LAMA5: variants seen among roughly 807,000 people sequenced by gnomAD.
LAMA5 encodes laminin subunit alpha-5.
In LAMA5, 260 loss-of-function variants were observed where a neutral mutation model predicts 433.4. The ratio of observed to expected loss-of-function variants is 0.60; its 90% CI spans 0.54 to 0.66. The LOEUF is 0.66. LAMA5 is among the 30% of genes least tolerant of loss of function. The probability of loss-of-function intolerance (pLI) is 0.00; values close to 1 mark genes in which losing one functional copy is unlikely to be tolerated. For synonymous variants in LAMA5, 2,620 were observed against 2,226.6 expected (o/e 1.18, Z -4.97); for missense variants, 5,378 against 5,258.5 (o/e 1.02, Z -0.70).
rs1271357504 is a variant in LAMA5, at chr20:62,322,026, G to A, written c.6489C>T (p.His2163=). The A allele has an allele frequency of 6.3e-7, 1 of 1,598,624 alleles. No individual in the cohort carries two copies. The highest frequency in any genetic ancestry group is 1.1e-5 in the South Asian group (1 of 91,076). Residue 2163 remains histidine, a synonymous_variant, in exon 48 of 80, where the codon CAC becomes CAT. Transcript: ENST00000252999. ...GGGGTGTTGAGGACACACCTTCACAGTGGATGCTGTGGCCCACAGGCCCGC... is the reference window on the plus strand; with the variant it reads ...GGGGTGTTGAGGACACACCTTCACAATGGATGCTGTGGCCCACAGGCCCGC... ...VPGGPVGHSI[H]CEVCDHCVVL... is the part of the protein sequence containing the mutation.
rs1428485049 is a variant in LAMA5 at position 62,324,600 on chromosome 20, G to A, written c.5530-46C>T. On this transcript the variant is annotated intron_variant, in intron 41 of 79. Coordinates refer to ENST00000252999, the MANE Select transcript of LAMA5 (RefSeq NM_005560.6). The surrounding 1 kb of genome is among the most constrained non-coding windows in gnomAD (Gnocchi z 4.4). ...GTGGCATCAGCGATTGAGAGGACGAGGGGCCCCACCCTGCAAGCTCACAAG... is the reference window on the plus strand; with the variant it reads ...GTGGCATCAGCGATTGAGAGGACGAAGGGCCCCACCCTGCAAGCTCACAAG... The A allele has an allele frequency of 2.1e-6, 3 of 1,410,658 alleles. No individual in the cohort carries two copies. Among genetic ancestry groups the A allele is most frequent in the South Asian group, 2.4e-5 (2 of 83,302 alleles). 87.4% of individuals were successfully genotyped at this position (1,410,658 alleles called of 1,614,324 possible). A position where few individuals can be genotyped will look rare whatever the true frequency, so the allele number is the denominator to read the frequency against.
intron 38 of LAMA5, 37 bp downstream of exon 38, chr20:62,327,196 C>T (rs759945319): frequency 9.6e-6 from 14 of 1,463,304 alleles, no homozygotes; most frequent in Non-Finnish European, 1.3e-5. Context: ...CCTGGCCATC[C>T]TCAAAGTGCC....
intron 66 of LAMA5, 46 bp downstream of exon 66, chr20:62,312,842 G>A (rs146986310): frequency 8.8e-5 from 141 of 1,601,874 alleles, no homozygotes; most frequent in East Asian, 2.5e-4. Context: ...CGCCCCCATC[G>A]TTCCATCTCC....
intron 16 of LAMA5, chr20:62,337,073 C>T (rs1981765159): frequency 1.6e-6 from 1 of 631,872 alleles, no homozygotes; most frequent in African/African-American, 1.8e-5. Context: ...TCTGAACAAG[C>T]ACACAAACGC....
chr20:62,322,874 C>G (rs1053904547), intron 45 of LAMA5, 116 bp from the exon 46 acceptor site: 3 of 642,132 alleles, frequency 4.7e-6, no homozygotes, highest in South Asian at 4.3e-5. Context: ...CCAGGCCGCC[C>G]GGACCACCCG....
Position 62,355,983 on chromosome 20 carries a change from C to T in LAMA5, c.451-2732G>A, listed in dbSNP as rs558764568. On this transcript the variant is annotated intron_variant, in intron 2 of 79. Coordinates refer to ENST00000252999, the MANE Select transcript of LAMA5 (RefSeq NM_005560.6). ...TCCCTGAGTGCCTGGATGGAGGCTG[C>T]GCTCTCCTCGGCCCGATCTGTCCTC... 1.6e-3 allele frequency among the ~76,000 whole-genome samples: 237 copies of T among 152,336 alleles called. 3 individuals are homozygous for T. Among genetic ancestry groups the T allele is most frequent in the Admixed American group, 0.015 (223 of 15,308 alleles).
At chr20:62,309,621 G>GGTGGGGGGGT in intron 79 of LAMA5, 95 bp downstream of exon 79, 2 of 527,808 alleles carry the variant, frequency 3.8e-6, no homozygotes, top group Non-Finnish European at 6.1e-6. Flanking sequence ...GGGTGGGAGG[G>GGTGGGGGGGT]GGCAGGGGGT....
rs1981103299 is a variant in LAMA5 at position 62,334,243 on chromosome 20, G to C, written c.2682C>G (p.Asn894Lys). 5 of 1,612,960 alleles carry C rather than the reference G, an allele frequency of 3.1e-6. No homozygotes were observed. Among genetic ancestry groups the C allele is most frequent in the Non-Finnish European group, 4.2e-6 (5 of 1,179,900 alleles). ...PEGHAVRFGF[N>K]PLEFENFSWR... is the part of the protein sequence containing the mutation. Reference sequence around the variant, plus strand: ...AGCTGAAGTTCTCGAACTCGAGGGGGTTGAAGCCAAAGCGCACGGCGTGAC... The same window carrying C: ...AGCTGAAGTTCTCGAACTCGAGGGGCTTGAAGCCAAAGCGCACGGCGTGAC... The change falls in exon 22 of 80, where the codon AAC becomes AAG. Residue 894 changes from asparagine (N) to lysine (K), a missense_variant. By Grantham distance (94) the Asn-to-Lys change is moderately conservative (BLOSUM62 0). Coordinates refer to ENST00000252999, the MANE Select transcript of LAMA5 (RefSeq NM_005560.6).
chr20:62,324,542 C>G lies in LAMA5; in HGVS notation c.5542G>C (p.Gly1848Arg), dbSNP rs372436992. The part of the protein sequence containing the change: ...RGDSCQECAP[G>R]FYRDVKGLFL... ...AGACCTTTGACGTCCCGATAGAAGC[C>G]GGGGGCACATTCCTGAGGGTGTACG... Residue 1848 changes from glycine (G) to arginine (R), a missense_variant, in exon 42 of 80, where the codon GGC becomes CGC. Transcript: ENST00000252999. The surrounding 1 kb of genome is among the most constrained non-coding windows in gnomAD (Gnocchi z 4.4). The G allele has an allele frequency of 1.2e-6, 2 of 1,611,228 alleles. No individual in the cohort carries two copies. The highest frequency in any genetic ancestry group is 3.3e-5 in the Admixed American group (2 of 59,832).
intron 57 of LAMA5, chr20:62,316,394 C>T (rs1422956394): frequency 3.7e-6 from 2 of 535,044 alleles, no homozygotes; most frequent in Admixed American, 3.3e-5. Context: ...GTCAGCAGAG[C>T]AGAGGCCACG....
Position 62,310,247 on chromosome 20 carries a change from G to A in LAMA5, c.10665C>T (p.Thr3555=), listed in dbSNP as rs746528814. Residue 3555 remains threonine, a synonymous_variant, in exon 77 of 80, where the codon ACC becomes ACT. Transcript: ENST00000252999. The part of the protein sequence containing the change: ...LELEVRPLAV[T]GLIFHLGQAR... ...CCTGGCCCAAGTGGAAGATCAGTCC[G>A]GTGACTGCCAGGGGCCGCACCTCCA... 96 of 1,612,296 alleles carry A rather than the reference G, an allele frequency of 6.0e-5. No individual in the cohort carries two copies. The highest frequency in any genetic ancestry group is 8.3e-5 in the Admixed American group (5 of 59,964).
rs1601347032 is a variant in LAMA5, at chr20:62,331,046, G to A, written c.3636C>T (p.Ala1212=). The A allele has an allele frequency of 6.2e-7, 1 of 1,600,762 alleles. No individual in the cohort carries two copies. The highest frequency in any genetic ancestry group is 1.3e-5 in the African/African-American group (1 of 74,400). ...PRVSCISSHG[A]FGPNSAACLP... ...CCTGCCATTACCTGTTGGGGCCAAA[G>A]GCGCCGTGGCTGCTGATGCAGCTGA... The change falls in exon 29 of 80, where the codon GCC becomes GCT. Residue 1212 remains alanine, a synonymous_variant. Transcript: ENST00000252999.
rs761840321 is a variant in LAMA5 at position 62,326,912 on chromosome 20, C to T, written c.5167G>A (p.Gly1723Arg). ...RYELHSETQR[G>R]DVFVPMESRP... ...CTCTCCATGGGGACAAAGACATCTC[C>T]CCGCTGGGTCTCTGAGTGCAGTTCA... The change falls in exon 39 of 80, where the codon GGA becomes AGA. Residue 1723 changes from glycine (G) to arginine (R), a missense_variant. Gly to Arg is a moderately radical substitution (Grantham distance 125). Coordinates refer to ENST00000252999, the MANE Select transcript of LAMA5 (RefSeq NM_005560.6). 6 of 1,612,408 alleles carry T rather than the reference C, an allele frequency of 3.7e-6. No homozygotes were observed. The highest frequency in any genetic ancestry group is 3.4e-6 in the Non-Finnish European group (4 of 1,179,494).
In LAMA5 at chr20:62,310,291, G is replaced by A; in HGVS notation, c.10621C>T (p.Pro3541Ser). Residue 3541 changes from proline (P) to serine (S), a missense_variant, in exon 77 of 80, where the codon CCT becomes TCT. Coordinates refer to ENST00000252999, the MANE Select transcript of LAMA5 (RefSeq NM_005560.6). The part of the protein sequence containing the change: ...ITLDLPGATL[P>S]DVGLELEVRP... ...ACCTCCAGTTCCAGGCCCACATCAG[G>A]CAGTGTAGCTCCTGGGAGGTCTGCG... The A allele has an allele frequency of 6.2e-7, 1 of 1,609,668 alleles. No individual in the cohort carries two copies. Among genetic ancestry groups the A allele is most frequent in the Non-Finnish European group, 8.5e-7 (1 of 1,178,030 alleles).
Position 62,325,309 on chromosome 20 carries a change from A to T in LAMA5, c.5529+7T>A. The T allele has an allele frequency of 6.4e-7, 1 of 1,567,102 alleles. No individual in the cohort carries two copies. Among genetic ancestry groups the T allele is most frequent in the Non-Finnish European group, 8.7e-7 (1 of 1,152,902 alleles). On this transcript the variant is annotated splice_region_variant and intron_variant, in intron 41 of 79. Transcript: ENST00000252999. ...CGCCTCGCAGTCTGGTGCTGTCCTA[A>T]CCTCACCTGGCATGAGTCCCCCCGG...
chr20:62,351,593 TG>T, intron 6 of LAMA5, 110 bp downstream of exon 6: 1 of 954,712 alleles, frequency 1.0e-6, no homozygotes, highest in Non-Finnish European at 1.6e-6. Flanking sequence ...AGGGTTGTGG[TG>T]GGCCATGGAA....
At position 62,311,279 on chromosome 20, in the gene LAMA5, C is replaced by T. The variant is rs371353573; in HGVS notation, c.9971G>A (p.Arg3324Gln). The change falls in exon 73 of 80, where the codon CGG (arginine) becomes CAG (glutamine). Residue 3324 changes from arginine (R) to glutamine (Q), a missense_variant. Physicochemically the swap from Arg to Gln is conservative, Grantham distance 43. Transcript: ENST00000252999. ...TGGGGGCAGCATGCAGGCAGGATGC[C>T]GGGCGGGCTGACGGCTGCGGCGGGA... is the stretch of plus-strand genomic sequence containing the variant. The part of the protein sequence containing the change: ...KASRRSRQPA[R>Q]HPACMLPPHL... 6.2e-5 allele frequency: 99 copies of T among 1,596,770 alleles called. No individual in the cohort carries two copies. Among genetic ancestry groups the T allele is most frequent in the Non-Finnish European group, 5.7e-5 (67 of 1,173,812 alleles).
At chr20:62,365,484 C>A (rs187975892) in intron 1 of LAMA5, among the ~76,000 whole-genome samples, 215 of 152,346 alleles carry the variant, frequency 1.4e-3, no homozygotes, top group Non-Finnish European at 2.4e-3. Flanking sequence ...GGCCCCCAGC[C>A]ACGCAGCATG....
chr20:62,332,390 T>C lies in LAMA5; in HGVS notation c.3534A>G (p.Glu1178=), dbSNP rs2151513. The stretch of plus-strand genomic sequence containing the variant: ...TCCTTACCAGGAAGAAGCGTGCCTG[T>C]TCGGCTGTGAGCCTCACGCTGGCCT... ...DSEASVRLTA[E]QARFFLHGVT... Residue 1178 remains glutamate, a synonymous_variant, in exon 28 of 80, where the codon GAA becomes GAG. Transcript: ENST00000252999. 0.89 allele frequency: 1,439,605 copies of C among 1,612,124 alleles called. 652,843 individuals are homozygous for C. Among genetic ancestry groups the C allele is most frequent in the East Asian group, 0.95 (42,681 of 44,852 alleles).
Sources: allele counts gnomAD v4.1 joint callset (sites outside exome capture counted in the v4.1 genomes callset), GRCh38; gene constraint gnomAD v4.1.1; non-coding constraint Gnocchi (gnomAD v3.1); transcripts MANE v1.5; gene names NCBI Gene and HGNC (gene_info 2026-07-23, HGNC 2026-07-21).